Variants in SLC24A4 observed in about 807,000 individuals in gnomAD.
The protein encoded by SLC24A4 is solute carrier family 24 member 4.
Under a neutral mutation model 79.0 loss-of-function variants are expected in SLC24A4, and 53 were observed. That is an observed-to-expected ratio of 0.67 (90% confidence interval 0.54 to 0.84). The LOEUF is 0.84. Among genes scored for constraint, SLC24A4 ranks in the 40% least tolerant of loss-of-function variants. The pLI is 0.00. For missense variants in SLC24A4, 731 were observed against 822.0 expected (o/e 0.89, Z 1.35); for synonymous variants, 323 against 323.8 (o/e 1.00, Z 0.03).
intron 10 of SLC24A4, chr14:92,450,818 C>G (rs1372942150): frequency 2.6e-5 from 4 of 152,704 alleles, no homozygotes; most frequent in Non-Finnish European, 5.8e-5. Context: ...CACCCACCAC[C>G]TGTGCCAACC....
At chr14:92,400,536 G>C (rs1449408468) in intron 2 of SLC24A4, among the ~76,000 whole-genome samples, 2 of 151,624 alleles carry the variant, frequency 1.3e-5, no homozygotes, top group Non-Finnish European at 2.9e-5. Flanking sequence ...GATTGACTAA[G>C]AAGCTCTGGA....
At chr14:92,347,962 T>C (rs1886635651) in intron 2 of SLC24A4, among the ~76,000 whole-genome samples, 1 of 151,932 alleles carries the variant, frequency 6.6e-6, no homozygotes, top group African/African-American at 2.4e-5. Context: ...ACAAAAAACT[T>C]TTAAAGAAAA....
At position 92,490,846 on chromosome 14, in the gene SLC24A4, G is replaced by C. The variant is rs573206144; in HGVS notation, c.1538-819G>C. 2.0e-5 allele frequency among the ~76,000 whole-genome samples: 3 copies of C among 152,372 alleles called. No homozygotes were observed. In the South Asian group the frequency reaches 6.2e-4, roughly 32 times the overall value. ...CACAAACGGGGTGCCGTAAACAACG[G>C]AAGTGTATTGTCTTGTGGTTCCGGA... On this transcript the variant is annotated intron_variant, in intron 14 of 16. Coordinates refer to ENST00000532405, the MANE Select transcript of SLC24A4 (RefSeq NM_153646.4). The surrounding 1 kb of genome is among the most constrained non-coding windows in gnomAD (Gnocchi z 4.3).
chr14:92,491,665 G>C lies in SLC24A4; in HGVS notation c.1538G>C (p.Gly513Ala). ...CMASLIVARQGLGDMAVSNTI... is the reference protein window; with the variant it reads ...CMASLIVARQALGDMAVSNTI... ...ATAAATGTGTTGTTGTCCCCTGCAG[G>C]CCTTGGGGACATGGCAGTCTCCAAC... is the stretch of plus-strand genomic sequence containing the variant. Residue 513 changes from glycine (G) to alanine (A), a missense_variant and splice_region_variant, in exon 15 of 17, where the codon GGC becomes GCC. Gly to Ala is a moderately conservative substitution (Grantham distance 60). Transcript: ENST00000532405. 1 of 1,605,146 alleles carries C rather than the reference G, an allele frequency of 6.2e-7. No individual in the cohort carries two copies. The highest frequency in any genetic ancestry group is 2.2e-5 in the East Asian group (1 of 44,840).
intron 2 of SLC24A4, among the ~76,000 whole-genome samples, chr14:92,348,910 C>T (rs958672908): frequency 5.3e-5 from 8 of 152,288 alleles, no homozygotes; most frequent in South Asian, 2.1e-4. Context: ...AAAGCCTAAA[C>T]TCAGGAGGGA....
chr14:92,357,353 AAT>A (rs1208683743), intron 2 of SLC24A4, among the ~76,000 whole-genome samples: 1 of 152,238 alleles, frequency 6.6e-6, no homozygotes, highest in Admixed American at 6.5e-5. Flanking sequence ...AACTAGGAAG[AAT>A]ATATGTTGCA....
At chr14:92,418,368 G>C (rs1843192779) in intron 2 of SLC24A4, among the ~76,000 whole-genome samples, 1 of 152,138 alleles carries the variant, frequency 6.6e-6, no homozygotes, top group Non-Finnish European at 1.5e-5. Context: ...GGCAGCTGTG[G>C]CTCCTCACTC....
At chr14:92,343,724 A>G (rs553228266) in intron 2 of SLC24A4, among the ~76,000 whole-genome samples, 15 of 82,294 alleles carry the variant, frequency 1.8e-4, no homozygotes, top group African/African-American at 3.3e-4. Context: ...TTTTTTTGAG[A>G]CAGAGTCTCA....
intron 12 of SLC24A4, among the ~76,000 whole-genome samples, chr14:92,460,285 G>A (rs1220145764): frequency 6.6e-6 from 1 of 152,136 alleles, no homozygotes; most frequent in Non-Finnish European, 1.5e-5. Context: ...ACAAAGTGGC[G>A]GGTGACGGCA....
At chr14:92,456,301 A>T in intron 11 of SLC24A4, 103 bp from the exon 12 acceptor site, 1 of 1,164,602 alleles carries the variant, frequency 8.6e-7, no homozygotes, top group Non-Finnish European at 1.3e-6. Flanking sequence ...TTGTTGTTCT[A>T]GGCACCTGTA....
chr14:92,380,490 C>A (rs1170460540), intron 2 of SLC24A4, among the ~76,000 whole-genome samples: 1 of 152,200 alleles, frequency 6.6e-6, no homozygotes, highest in Non-Finnish European at 1.5e-5. Context: ...TAGTGAGAAT[C>A]TGTGATTTGG....
chr14:92,340,779 A>G (rs764772377), intron 2 of SLC24A4, among the ~76,000 whole-genome samples: 149 of 152,114 alleles, frequency 9.8e-4, no homozygotes, highest in Non-Finnish European at 1.7e-3. Flanking sequence ...CCCTCCACAC[A>G]TGGCCTCACA....
At chr14:92,464,993 C>T (rs1003626764) in intron 12 of SLC24A4, among the ~76,000 whole-genome samples, 1 of 152,128 alleles carries the variant, frequency 6.6e-6, no homozygotes, top group South Asian at 2.1e-4. Context: ...CCGTGCCTGA[C>T]ATCTTCTATT....
chr14:92,495,163 G>A lies in SLC24A4; in HGVS notation c.*1535G>A, dbSNP rs1326333021. On this transcript the variant is annotated 3_prime_UTR_variant, in exon 17 of 17. Transcript: ENST00000532405. ...CTTGGTGATGAGTTTAAATCCAGTA[G>A]CTAATCCCTTCCTGAGACTCAAAGA... is the stretch of plus-strand genomic sequence containing the variant. 6.6e-6 allele frequency: 1 copy of A among 152,574 alleles called. No individual in the cohort carries two copies. The highest frequency in any genetic ancestry group is 1.5e-5 in the Non-Finnish European group (1 of 68,034). 9.5% of individuals were successfully genotyped at this position (152,574 alleles called of 1,614,324 possible). A position where few individuals can be genotyped will look rare whatever the true frequency, so the allele number is the denominator to read the frequency against.
At chr14:92,486,229 T>C (rs74531470) in intron 13 of SLC24A4, among the ~76,000 whole-genome samples, 1,582 of 152,192 alleles carry the variant, frequency 0.01, 18 homozygotes, top group African/African-American at 0.037. Flanking sequence ...ACTTGTGCAG[T>C]TGGGGAAACT....
At chr14:92,335,655 G>C (rs766496744) in intron 2 of SLC24A4, among the ~76,000 whole-genome samples, 2 of 152,098 alleles carry the variant, frequency 1.3e-5, no homozygotes, top group African/African-American at 4.8e-5. Context: ...GAGCCACTGC[G>C]CCCAGCCCTC....
chr14:92,374,551 C>T (rs546664805), intron 2 of SLC24A4, among the ~76,000 whole-genome samples: 41 of 152,356 alleles, frequency 2.7e-4, no homozygotes, highest in African/African-American at 9.6e-4. Flanking sequence ...TGAGCACCTC[C>T]TCCACGATTT....
At chr14:92,484,273 A>C (rs927696529) in intron 13 of SLC24A4, 2 of 984,582 alleles carry the variant, frequency 2.0e-6, no homozygotes, top group Admixed American at 6.2e-5. Flanking sequence ...CGGCTCCCTC[A>C]CCTCAGATGC....
In SLC24A4 at chr14:92,323,254, C is replaced by G. The variant is rs1160706490; in HGVS notation, c.-577C>G. The G allele has an allele frequency of 3.9e-5, 6 of 152,132 alleles. No homozygotes were observed. The highest frequency in any genetic ancestry group is 2.9e-5 in the Non-Finnish European group (2 of 68,014). 9.4% of individuals were successfully genotyped at this position (152,132 alleles called of 1,614,324 possible). A position where few individuals can be genotyped will look rare whatever the true frequency, so the allele number is the denominator to read the frequency against. ...GGGCCGACGTCGAGCCTGCTCGCCGCGAGGGTCTCAGGTACCGCGCGTCCA... is the reference window on the plus strand; with the variant it reads ...GGGCCGACGTCGAGCCTGCTCGCCGGGAGGGTCTCAGGTACCGCGCGTCCA... On this transcript the variant is annotated 5_prime_UTR_variant, in exon 1 of 17. Transcript: ENST00000532405. This position sits in a 1 kb window ranked among gnomAD's most constrained non-coding sequence, Gnocchi z 4.9.
Sources: allele counts gnomAD v4.1 joint callset (sites outside exome capture counted in the v4.1 genomes callset), GRCh38; gene constraint gnomAD v4.1.1; non-coding constraint Gnocchi (gnomAD v3.1); transcripts MANE v1.5; gene names NCBI Gene and HGNC (gene_info 2026-07-23, HGNC 2026-07-21).